Variants in PCGF3 observed in about 807,000 individuals in gnomAD.
The protein encoded by PCGF3 is polycomb group ring finger 3, also known as polycomb group RING finger protein 3.
In PCGF3, 7 loss-of-function variants were observed where a neutral mutation model predicts 33.1. That is an observed-to-expected ratio of 0.21 (90% CI 0.12 to 0.40). PCGF3 has a LOEUF of 0.40. Among genes scored for constraint, PCGF3 ranks in the 10% least tolerant of loss-of-function variants. PCGF3 has a pLI of 1.00. For missense variants in PCGF3, 211 were observed against 313.3 expected (o/e 0.67, Z 2.46); for synonymous variants, 153 against 121.3 (o/e 1.26, Z -1.72).
At chr4:757,339 G>A (rs530436960) in intron 8 of PCGF3, 3 of 152,386 alleles carry the variant, frequency 2.0e-5, no homozygotes, top group East Asian at 1.9e-4. Context: ...AGTCGGAGAC[G>A]GCGGCTGCCT....
Position 738,334 on chromosome 4 carries a change from T to C in PCGF3, c.262+813T>C, listed in dbSNP as rs187832754. ...GCTTCTTCCCTACTCACAGAGTTCA[T>C]TCATGCAGGAAGAATTTAGATTTCC... On this transcript the variant is annotated intron_variant, in intron 6 of 10. Transcript: ENST00000362003. Among the ~76,000 whole-genome samples, 337 of 152,368 alleles carry C rather than the reference T, an allele frequency of 2.2e-3. 1 individual carries two copies. The highest frequency in any genetic ancestry group is 7.8e-3 in the African/African-American group (324 of 41,590).
At chr4:740,995 T>C (rs758590524) in intron 6 of PCGF3, among the ~76,000 whole-genome samples, 3 of 152,226 alleles carry the variant, frequency 2.0e-5, no homozygotes, top group Non-Finnish European at 4.4e-5. Flanking sequence ...GGGCTGCACT[T>C]CGAAGCCGCA....
chr4:761,115 T>C (rs1577445762), intron 8 of PCGF3, among the ~76,000 whole-genome samples, 164 bp from the exon 9 acceptor site: 1 of 152,276 alleles, frequency 6.6e-6, no homozygotes, highest in Admixed American at 6.5e-5. Flanking sequence ...TCAGATAAGG[T>C]ATGTAAGATT....
chr4:734,572 A>C (rs1743752795), intron 4 of PCGF3: 5 of 1,165,500 alleles, frequency 4.3e-6, no homozygotes, highest in South Asian at 6.4e-5. Context: ...TGTACGTAGA[A>C]GATACTGTCA....
chr4:743,475 G>C (rs1411817612), exon 7 of PCGF3: 4 of 1,601,828 alleles, frequency 2.5e-6, no homozygotes. Flanking sequence ...TTTCCGCAGC[G>C]GAAATGAGAA....
intron 6 of PCGF3, among the ~76,000 whole-genome samples, chr4:742,414 G>A (rs949900240): frequency 3.3e-5 from 5 of 152,220 alleles, no homozygotes; most frequent in South Asian, 2.1e-4. Context: ...GGAGGAAATC[G>A]TGGATAAAAA....
At chr4:711,188 A>G (rs1056678657) in intron 1 of PCGF3, among the ~76,000 whole-genome samples, 1 of 152,190 alleles carries the variant, frequency 6.6e-6, no homozygotes, top group African/African-American at 2.4e-5. Flanking sequence ...TGGACTCTGG[A>G]GACCTCAGCC....
rs144550460 is a variant in PCGF3 at position 721,565 on chromosome 4, G to A, written c.-189-9065G>A. Among the ~76,000 whole-genome samples the A allele has an allele frequency of 4.6e-5, 7 of 152,196 alleles. No homozygotes were observed. Among genetic ancestry groups the A allele is most frequent in the Non-Finnish European group, 7.4e-5 (5 of 67,968 alleles). Reference sequence around the variant, plus strand: ...GGCGAGGCGAGGGCAGAGTGCACTCGCTGGGGGTCACCCTGCCCCCCAGGA... The same window carrying A: ...GGCGAGGCGAGGGCAGAGTGCACTCACTGGGGGTCACCCTGCCCCCCAGGA... On this transcript the variant is annotated intron_variant, in intron 1 of 10. Coordinates refer to ENST00000362003, the Ensembl canonical transcript of PCGF3. This position sits in a 1 kb window ranked among gnomAD's most constrained non-coding sequence, Gnocchi z 4.1.
Position 766,184 on chromosome 4 carries a change from G to C in PCGF3, c.*105G>C, listed in dbSNP as rs945686778. 5 of 822,900 alleles carry C rather than the reference G, an allele frequency of 6.1e-6. No homozygotes were observed. In the Admixed American group the frequency reaches 1.1e-4, roughly 19 times the overall value. The allele number at this position is 822,900 out of a possible 1,614,324, so 51.0% of individuals were successfully genotyped here. A position where few individuals can be genotyped will look rare whatever the true frequency, so the allele number is the denominator to read the frequency against. On this transcript the variant is annotated 3_prime_UTR_variant, in exon 11 of 11. Transcript: ENST00000362003. ...TGGGTGTCATGTGGACCAGACTTCT[G>C]AATAGAGAATATTTATAACTTTTGT...
intron 8 of PCGF3, 75 bp downstream of exon 8, chr4:744,763 G>A (rs1170759045): frequency 6.5e-5 from 22 of 337,464 alleles, no homozygotes; most frequent in Admixed American, 3.3e-4. Context: ...GGGCCCGGGG[G>A]TCGCTGCAGT....
In PCGF3 at chr4:737,364, C is replaced by T. The variant is rs1706879887; in HGVS notation, c.207-102C>T. Reference sequence around the variant, plus strand: ...CTAGAAGTAAAATTCCAACAAAGCTCCAGACTGGTGATTCTGAACTTTGAT... The same window carrying T: ...CTAGAAGTAAAATTCCAACAAAGCTTCAGACTGGTGATTCTGAACTTTGAT... On this transcript the variant is annotated intron_variant, in intron 5 of 10. Coordinates refer to ENST00000362003, the Ensembl canonical transcript of PCGF3. 2.4e-5 allele frequency: 19 copies of T among 802,944 alleles called. No individual in the cohort carries two copies. In the South Asian group the frequency reaches 2.9e-4, roughly 12 times the overall value. 49.7% of individuals were successfully genotyped at this position (802,944 alleles called of 1,614,324 possible).
intron 1 of PCGF3, among the ~76,000 whole-genome samples, chr4:722,994 T>C (rs1338751584): frequency 4.4e-5 from 4 of 90,110 alleles, no homozygotes; most frequent in South Asian, 8.1e-4. Flanking sequence ...CGCCCGTCCG[T>C]GCCGGGTCCA....
exon 4 of PCGF3, chr4:733,713 C>T: frequency 1.2e-6 from 2 of 1,610,494 alleles, no homozygotes; most frequent in Non-Finnish European, 1.7e-6. Flanking sequence ...TGTGGGACAT[C>T]AACGCCCACA....
chr4:765,946 G>A (rs992768266), intron 10 of PCGF3, 86 bp from the exon 11 acceptor site: 15 of 1,275,066 alleles, frequency 1.2e-5, no homozygotes, highest in African/African-American at 5.8e-5. Flanking sequence ...CACGGGACGT[G>A]ATTCCTCAGC....
At chr4:766,114 G>A (rs777184152) in exon 11 of PCGF3, 48 of 1,600,010 alleles carry the variant, frequency 3.0e-5, no homozygotes, top group African/African-American at 4.0e-5. Flanking sequence ...CTGGGCCCTC[G>A]CACCCTTGGG....
intron 8 of PCGF3, among the ~76,000 whole-genome samples, chr4:755,175 C>T (rs146663338): frequency 6.6e-5 from 10 of 152,342 alleles, no homozygotes; most frequent in East Asian, 3.9e-4. Context: ...CGTGTTGTTA[C>T]GCTGTGACTT....
At chr4:757,689 GT>G (rs1744828379) in intron 8 of PCGF3, 1 of 152,122 alleles carries the variant, frequency 6.6e-6, no homozygotes. Flanking sequence ...ATGTGAGTTG[GT>G]TCCTGCTTTA....
At chr4:758,878 G>A (rs1393993955) in intron 8 of PCGF3, among the ~76,000 whole-genome samples, 1 of 5,372 alleles carries the variant, frequency 1.9e-4, no homozygotes. Context: ...TCCGGACTCC[G>A]GGTCTTTCTC....
exon 11 of PCGF3, chr4:767,018 G>C (rs1454510109): frequency 6.6e-6 from 1 of 152,326 alleles, no homozygotes; most frequent in Admixed American, 6.5e-5. Flanking sequence ...TTTGCTGGTG[G>C]TGGCTTCGGG....
Sources: allele counts gnomAD v4.1 joint callset (sites outside exome capture counted in the v4.1 genomes callset), GRCh38; gene constraint gnomAD v4.1.1; non-coding constraint Gnocchi (gnomAD v3.1); transcripts MANE v1.5; gene names NCBI Gene and HGNC (gene_info 2026-07-23, HGNC 2026-07-21).